Variants in USP10 observed in about 807,000 individuals in gnomAD.
USP10 encodes ubiquitin carboxyl-terminal hydrolase 10.
USP10 carries 22 observed loss-of-function variants against 84.5 expected under a neutral mutation model. The observed-to-expected ratio is 0.26, with a 90% CI of 0.19 to 0.37. The LOEUF is 0.37. Among genes scored for constraint, USP10 ranks in the 10% least tolerant of loss-of-function variants. The probability of loss-of-function intolerance (pLI) is 1.00; values close to 1 mark genes in which losing one functional copy is unlikely to be tolerated. For missense variants in USP10, 1,019 were observed against 998.9 expected, an observed-to-expected ratio of 1.02 and a Z score of -0.27; for synonymous variants, 454 against 387.6, an observed-to-expected ratio of 1.17 and a Z score of -2.01.
intron 12 of USP10, among the ~76,000 whole-genome samples, chr16:84,774,031 C>G (rs146243607): frequency 6.6e-6 from 1 of 152,142 alleles, no homozygotes; most frequent in African/African-American, 2.4e-5. Flanking sequence ...AGGCAGATCA[C>G]CTGAGGTCAG....
chr16:84,745,371 C>T lies in USP10; in HGVS notation c.890C>T (p.Thr297Ile), dbSNP rs191306276. Residue 297 changes from threonine to isoleucine, a missense_variant, in exon 4 of 14, where the codon ACA becomes ATA. By Grantham distance (89) the Thr-to-Ile change is moderately conservative (BLOSUM62 -1). Transcript: ENST00000219473. ...GQILESSGEG[T>I]ATNGVELHTT... is the part of the protein sequence containing the mutation. The stretch of plus-strand genomic sequence containing the variant: ...ATACTTGAATCCTCGGGTGAGGGCA[C>T]AGCTACCAACGGGGTGGAGTTGCAC... 5.6e-6 allele frequency: 9 copies of T among 1,613,218 alleles called. No individual in the cohort carries two copies. Among genetic ancestry groups the T allele is most frequent in the South Asian group, 1.1e-5 (1 of 91,052 alleles).
intron 11 of USP10, among the ~76,000 whole-genome samples, chr16:84,768,973 G>A (rs973166959): frequency 4.6e-5 from 7 of 152,184 alleles, no homozygotes; most frequent in Non-Finnish European, 8.8e-5. Flanking sequence ...ATTCTGCCCT[G>A]TGAGAGCTTA....
At chr16:84,753,319 G>C (rs1331861846) in intron 4 of USP10, among the ~76,000 whole-genome samples, 1 of 152,106 alleles carries the variant, frequency 6.6e-6, no homozygotes, top group Non-Finnish European at 1.5e-5. Flanking sequence ...AGATTTTAAG[G>C]AAGTTGGGCT....
At chr16:84,773,886 T>C (rs1346631731) in intron 12 of USP10, among the ~76,000 whole-genome samples, 4 of 152,232 alleles carry the variant, frequency 2.6e-5, no homozygotes, top group Admixed American at 2.6e-4. Flanking sequence ...ACAGTGATTT[T>C]ATTTTTATAT....
intron 1 of USP10, among the ~76,000 whole-genome samples, chr16:84,705,537 G>T (rs1419768042): frequency 6.6e-6 from 1 of 151,790 alleles, no homozygotes; most frequent in Admixed American, 6.6e-5. Context: ...AGCCACTCCT[G>T]TGCCTTTTGA....
chr16:84,742,728 A>T (rs535857127), intron 3 of USP10, among the ~76,000 whole-genome samples: 1 of 152,202 alleles, frequency 6.6e-6, no homozygotes, highest in African/African-American at 2.4e-5. Context: ...CATGGCGTCC[A>T]TTGTGAGTGT....
intron 1 of USP10, among the ~76,000 whole-genome samples, chr16:84,723,149 T>G (rs1178353260): frequency 1.4e-5 from 2 of 138,930 alleles, no homozygotes; most frequent in South Asian, 5.8e-4. Context: ...ATCCAGGGTT[T>G]TTTTTTTTTT....
chr16:84,733,630 A>C, intron 2 of USP10, 127 bp downstream of exon 2: 1 of 605,914 alleles, frequency 1.7e-6, no homozygotes, highest in Non-Finnish European at 2.7e-6. Context: ...AATATGAGAA[A>C]TGCCTCAACC....
At chr16:84,721,623 G>C (rs936946175) in intron 1 of USP10, among the ~76,000 whole-genome samples, 2 of 152,180 alleles carry the variant, frequency 1.3e-5, no homozygotes, top group African/African-American at 4.8e-5. Flanking sequence ...GACCTCCTGG[G>C]TTCAAGCCAT....
intron 1 of USP10, among the ~76,000 whole-genome samples, chr16:84,711,040 C>A (rs1158281182): frequency 6.6e-6 from 1 of 152,100 alleles, no homozygotes; most frequent in Non-Finnish European, 1.5e-5. Flanking sequence ...CTTATTTTAG[C>A]GCCGAGTGGA....
chr16:84,735,025 TTTTTC>T (rs905301172), intron 2 of USP10, among the ~76,000 whole-genome samples: 35 of 152,234 alleles, frequency 2.3e-4, no homozygotes, highest in African/African-American at 7.5e-4. Flanking sequence ...TTATTTCTAT[TTTTTC>T]TTTTCTTTTC....
intron 1 of USP10, among the ~76,000 whole-genome samples, chr16:84,718,041 G>A (rs1475499890): frequency 2.0e-5 from 3 of 152,154 alleles, no homozygotes; most frequent in Admixed American, 6.5e-5. Context: ...ATGAGAGAGA[G>A]ATTGGGAGAT....
chr16:84,708,188 G>A (rs73243919), intron 1 of USP10, among the ~76,000 whole-genome samples: 2,716 of 152,166 alleles, frequency 0.018, 84 homozygotes, highest in African/African-American at 0.062. Context: ...GGTGGCTCAC[G>A]CGTGTAATCC....
intron 4 of USP10, among the ~76,000 whole-genome samples, chr16:84,746,639 AGACTGGAGTGGCTCTGGATGG>A (rs1312548145): frequency 6.6e-6 from 1 of 152,220 alleles, no homozygotes; most frequent in African/African-American, 2.4e-5. Flanking sequence ...GGAGCTTGCA[AGACTGGAGTGGCTCTGGATGG>A]GTCAGTGATG....
chr16:84,705,493 A>G (rs899591405), intron 1 of USP10, among the ~76,000 whole-genome samples: 1 of 151,058 alleles, frequency 6.6e-6, no homozygotes, highest in African/African-American at 2.4e-5. Context: ...GGCCTCCCAA[A>G]GTGCTGGGAT....
intron 8 of USP10, 139 bp from the exon 9 acceptor site, chr16:84,762,850 G>A: frequency 1.9e-6 from 1 of 523,066 alleles, no homozygotes; most frequent in South Asian, 3.2e-5. Flanking sequence ...GGAAACCCAT[G>A]TCATCATGTC....
rs1039679576 is a variant in USP10 at position 84,732,595 on chromosome 16, C to T, written c.22-840C>T. On this transcript the variant is annotated intron_variant, in intron 1 of 13. Coordinates refer to ENST00000219473, the MANE Select transcript of USP10 (RefSeq NM_005153.3). ...CCGAGCAGCCGGGACTACAGGTACACGCCACCACGCCTGGCTAATTTTTGT... is the reference window on the plus strand; with the variant it reads ...CCGAGCAGCCGGGACTACAGGTACATGCCACCACGCCTGGCTAATTTTTGT... 1.1e-4 allele frequency: 35 copies of T among 311,304 alleles called. No homozygotes were observed. The Admixed American group carries it at 1.4e-3, about 12-fold the overall frequency. The allele number at this position is 311,304 out of a possible 1,614,324, so 19.3% of individuals were successfully genotyped here.
At position 84,760,210 on chromosome 16, in the gene USP10, G is replaced by A. The variant is rs1913048767; in HGVS notation, c.1489G>A (p.Ala497Thr). 6.2e-7 allele frequency: 1 copy of A among 1,610,974 alleles called. No homozygotes were observed. Among genetic ancestry groups the A allele is most frequent in the Admixed American group, 1.7e-5 (1 of 59,610 alleles). Residue 497 changes from alanine to threonine, a missense_variant, in exon 8 of 14, where the codon GCT (alanine) becomes ACT (threonine). Physicochemically the swap from Ala to Thr is moderately conservative, Grantham distance 58 (BLOSUM62 0). Around this residue, in one of 2 missense-constraint regions of USP10, gnomAD observed 787 missense variants for 708.8 expected, o/e 1.11. Coordinates refer to ENST00000219473, the MANE Select transcript of USP10 (RefSeq NM_005153.3). The part of the protein sequence containing the change: ...DKIVRDIRPG[A>T]AFEPTYIYRL... ...AATCGTGAGGGATATTCGCCCTGGA[G>A]CTGCCTTTGAGCCCACATATATTTA... is the stretch of plus-strand genomic sequence containing the variant.
intron 13 of USP10, among the ~76,000 whole-genome samples, chr16:84,775,559 G>A (rs986528340): frequency 7.9e-5 from 12 of 152,234 alleles, no homozygotes; most frequent in African/African-American, 2.9e-4. Context: ...GGGTGACAGT[G>A]CTGTGGAGTT....
Sources: gnomAD v4.1 joint callset for allele counts (sites outside exome capture counted in the v4.1 genomes callset) on GRCh38, gnomAD v4.1.1 for gene constraint, gnomAD v4.1.1 regional missense constraint, MANE v1.5 for transcripts, NCBI Gene and HGNC (gene_info 2026-07-23, HGNC 2026-07-21) for gene names.